SOX5: variants seen among roughly 807,000 people sequenced by gnomAD.
The protein encoded by SOX5 is SRY-box transcription factor 5, also known as transcription factor SOX-5.
In SOX5, 9 loss-of-function variants were observed where a neutral mutation model predicts 92.0. That is an observed-to-expected ratio of 0.10 (90% confidence interval 0.06 to 0.17). SOX5 has a LOEUF of 0.17. Among genes scored for constraint, SOX5 ranks in the 10% least tolerant of loss-of-function variants. The probability of loss-of-function intolerance (pLI) is 1.00; values close to 1 mark genes in which losing one functional copy is unlikely to be tolerated. For missense variants in SOX5, 642 were observed against 944.5 expected (o/e 0.68, Z 4.20); for synonymous variants, 344 against 336.3 (o/e 1.02, Z -0.25).
At chr12:24,037,237 T>A (rs1042886382) in intron 4 of SOX5, among the ~76,000 whole-genome samples, 1 of 152,118 alleles carries the variant, frequency 6.6e-6, no homozygotes, top group South Asian at 2.1e-4. Context: ...GAATAACATA[T>A]ACACACATAC....
chr12:23,985,047 T>A (rs1949931662), intron 4 of SOX5, among the ~76,000 whole-genome samples: 1 of 152,144 alleles, frequency 6.6e-6, no homozygotes, highest in South Asian at 2.1e-4. Flanking sequence ...TTAGAGTATT[T>A]GAAATTGCTT....
chr12:24,254,514 T>C (rs1375265462), intron 3 of SOX5, among the ~76,000 whole-genome samples: 2 of 151,992 alleles, frequency 1.3e-5, no homozygotes, highest in Non-Finnish European at 2.9e-5. Flanking sequence ...AATCATCTAA[T>C]ACAAAGTCTT....
chr12:23,984,968 T>C (rs192221850), intron 4 of SOX5, among the ~76,000 whole-genome samples: 5 of 152,314 alleles, frequency 3.3e-5, no homozygotes, highest in Admixed American at 3.3e-4. Context: ...GGCAATGACC[T>C]TGAGCAGTAG....
chr12:23,759,065 ACT>A (rs1178297437), intron 3 of SOX5, among the ~76,000 whole-genome samples: 6 of 141,018 alleles, frequency 4.3e-5, no homozygotes, highest in African/African-American at 1.5e-4. Flanking sequence ...ACACACACAC[ACT>A]GTCCCTCATT....
At chr12:24,456,766 C>T (rs1451712827) in intron 1 of SOX5, among the ~76,000 whole-genome samples, 2 of 152,178 alleles carry the variant, frequency 1.3e-5, no homozygotes, top group African/African-American at 4.8e-5. Context: ...CATTTACCTT[C>T]CTGAGTCTCA....
chr12:24,249,184 G>A (rs1939521765), intron 3 of SOX5, among the ~76,000 whole-genome samples: 1 of 152,206 alleles, frequency 6.6e-6, no homozygotes, highest in South Asian at 2.1e-4. Context: ...TGTATTCCCA[G>A]TACTGGGGAG....
intron 1 of SOX5, among the ~76,000 whole-genome samples, chr12:24,534,241 A>G (rs750508693): frequency 6.6e-5 from 10 of 151,572 alleles, no homozygotes; most frequent in Non-Finnish European, 1.5e-4. Flanking sequence ...TGAGGGTTTC[A>G]TGTTATTTCT....
chr12:24,174,576 C>A (rs77415243), intron 4 of SOX5, among the ~76,000 whole-genome samples: 2,603 of 152,140 alleles, frequency 0.017, 78 homozygotes, highest in African/African-American at 0.059. Flanking sequence ...GAAAAGAGAA[C>A]TTTGGGAGGC....
At chr12:23,760,625 T>C (rs913161648) in intron 3 of SOX5, among the ~76,000 whole-genome samples, 2 of 151,852 alleles carry the variant, frequency 1.3e-5, no homozygotes, top group Non-Finnish European at 2.9e-5. Flanking sequence ...CCCCCCCAAC[T>C]GTGCCAGCCA....
upstream of SOX5, among the ~76,000 whole-genome samples, chr12:23,952,755 T>C (rs1362375657): frequency 6.6e-6 from 1 of 152,180 alleles, no homozygotes; most frequent in Non-Finnish European, 1.5e-5. Flanking sequence ...AGGAATTTTG[T>C]TCACATAAAT....
At chr12:23,901,206 G>A (rs2097228173) in intron 1 of SOX5, among the ~76,000 whole-genome samples, 1 of 152,120 alleles carries the variant, frequency 6.6e-6, no homozygotes, top group Non-Finnish European at 1.5e-5. Flanking sequence ...CTATGCTACT[G>A]GCTTTGAAGA....
At chr12:23,777,558 G>T (rs1412899568) in intron 3 of SOX5, among the ~76,000 whole-genome samples, 1 of 152,042 alleles carries the variant, frequency 6.6e-6, no homozygotes, top group Non-Finnish European at 1.5e-5. Flanking sequence ...TCAAATTTCA[G>T]TAAACACATA....
chr12:24,552,837 A>G (rs962861680), intron 1 of SOX5, among the ~76,000 whole-genome samples: 1 of 152,152 alleles, frequency 6.6e-6, no homozygotes, highest in African/African-American at 2.4e-5. Context: ...CCACCTCTAC[A>G]CAAAATTTAA....
intron 4 of SOX5, among the ~76,000 whole-genome samples, chr12:24,207,866 C>T (rs778103415): frequency 2.0e-5 from 3 of 152,126 alleles, no homozygotes; most frequent in Non-Finnish European, 4.4e-5. Flanking sequence ...GTGCCATGTT[C>T]CAGAATCTCC....
chr12:24,161,572 A>G (rs1231351952), intron 4 of SOX5, among the ~76,000 whole-genome samples: 1 of 152,118 alleles, frequency 6.6e-6, no homozygotes, highest in Non-Finnish European at 1.5e-5. Flanking sequence ...AAGAAATAAT[A>G]TTATAAAAAG....
At chr12:24,518,121 T>C (rs987523809) in intron 1 of SOX5, among the ~76,000 whole-genome samples, 4 of 151,650 alleles carry the variant, frequency 2.6e-5, no homozygotes, top group Non-Finnish European at 5.9e-5. Flanking sequence ...CAGGCTGGAG[T>C]GCAGTGGCCC....
At chr12:24,284,421 G>A (rs113224683) in intron 2 of SOX5, among the ~76,000 whole-genome samples, 9 of 123,864 alleles carry the variant, frequency 7.3e-5, no homozygotes, top group Admixed American at 4.4e-4. Flanking sequence ...GGAGGCACAC[G>A]TTTTTTTTCT....
At chr12:24,023,594 T>C (rs1421379550) in intron 4 of SOX5, among the ~76,000 whole-genome samples, 1 of 152,112 alleles carries the variant, frequency 6.6e-6, no homozygotes, top group African/African-American at 2.4e-5. Context: ...AATTTCATTG[T>C]TCCTTTTACT....
intron 4 of SOX5, among the ~76,000 whole-genome samples, chr12:24,131,325 T>C (rs967950846): frequency 2.0e-5 from 3 of 152,194 alleles, no homozygotes; most frequent in African/African-American, 4.8e-5. Flanking sequence ...GTCTTTATTA[T>C]AGCATTTATA....
Sources: gnomAD v4.1 joint callset for allele counts (sites outside exome capture counted in the v4.1 genomes callset) on GRCh38, gnomAD v4.1.1 for gene constraint, MANE v1.5 for transcripts, NCBI Gene and HGNC (gene_info 2026-07-23, HGNC 2026-07-21) for gene names.